Variants in LYPD4 observed in about 807,000 individuals in gnomAD.
The protein encoded by LYPD4 is ly6/PLAUR domain-containing protein 4.
LYPD4 carries 20 observed loss-of-function variants against 18.2 expected under a neutral mutation model. That is an observed-to-expected ratio of 1.10 (90% CI 0.77 to 1.59). The LOEUF (loss-of-function observed/expected upper bound fraction) is 1.59, where lower values mean the gene tolerates loss of function less well. LYPD4 is among the 40% of genes most tolerant of loss of function. LYPD4 has a pLI of 0.00. For synonymous variants in LYPD4, 111 were observed against 118.3 expected (o/e 0.94, Z 0.40); for missense variants, 278 against 300.3 (o/e 0.93, Z 0.55).
At chr19:41,841,857 G>A (rs1338927578) in intron 1 of LYPD4, among the ~76,000 whole-genome samples, 2 of 152,146 alleles carry the variant, frequency 1.3e-5, no homozygotes, top group Non-Finnish European at 2.9e-5. Context: ...GAGGGCTGGG[G>A]AATAAAACAC....
chr19:41,840,486 C>T (rs181340631), intron 1 of LYPD4, among the ~76,000 whole-genome samples: 123 of 152,270 alleles, frequency 8.1e-4, no homozygotes, highest in Admixed American at 2.2e-3. Flanking sequence ...ACTCTATGTA[C>T]CACTTTTGCA....
rs138135884 is a variant in LYPD4 at position 41,838,956 on chromosome 19, T to C, written c.136A>G (p.Lys46Glu). 23 of 1,613,910 alleles carry C rather than the reference T, an allele frequency of 1.4e-5. No homozygotes were observed. The African/African-American group carries it at 2.4e-4, about 17-fold the overall frequency. Reference sequence around the variant, plus strand: ...ACCATGTTCCTCATCAGAAGCCACTTCCAGTTATGGAAAGCAACAGCTCTG... The same window carrying C: ...ACCATGTTCCTCATCAGAAGCCACTCCCAGTTATGGAAAGCAACAGCTCTG... ...RFRAVAFHNWKWLLMRNMVCK... is the reference protein window; with the variant it reads ...RFRAVAFHNWEWLLMRNMVCK... The change falls in exon 3 of 5, where the codon AAG (lysine) becomes GAG (glutamate). Residue 46 changes from lysine to glutamate, a missense_variant. Physicochemically the swap from Lys to Glu is moderately conservative, Grantham distance 56. Transcript: ENST00000609812.
At chr19:41,837,857 C>A in intron 4 of LYPD4, 78 bp downstream of exon 4, 1 of 1,400,840 alleles carries the variant, frequency 7.1e-7, no homozygotes, top group Admixed American at 2.4e-5. Context: ...ATCCCACCAG[C>A]CTCTCTGAGA....
At chr19:41,835,794 C>A (rs1442931466), downstream of LYPD4, 13 of 985,280 alleles carry the variant, frequency 1.3e-5, no homozygotes, top group African/African-American at 1.7e-5. Flanking sequence ...TGCTTCAGAC[C>A]CCACTTGCTC....
intron 2 of LYPD4, 48 bp from the exon 3 acceptor site, chr19:41,839,072 T>C (rs782541969): frequency 4.3e-6 from 7 of 1,610,874 alleles, no homozygotes; most frequent in Non-Finnish European, 5.9e-6. Flanking sequence ...TATCATCTTC[T>C]GAGCCCGTTA....
chr19:41,841,371 A>G (rs1555833362), intron 1 of LYPD4, among the ~76,000 whole-genome samples: 1 of 151,572 alleles, frequency 6.6e-6, no homozygotes, highest in East Asian at 1.9e-4. Context: ...AAGTTTAAAA[A>G]TTAGCCAAGC....
At chr19:41,843,027 A>C (rs2073667661) in intron 1 of LYPD4, among the ~76,000 whole-genome samples, 2 of 115,242 alleles carry the variant, frequency 1.7e-5, no homozygotes, top group African/African-American at 3.4e-5. Context: ...GCAAAACCCC[A>C]TCGCTAAAAA....
rs868915399 is a variant in LYPD4 at position 41,838,939 on chromosome 19, C to T, written c.153G>A (p.Arg51=). The T allele has an allele frequency of 6.2e-7, 1 of 1,613,878 alleles. No individual in the cohort carries two copies. Among genetic ancestry groups the T allele is most frequent in the Non-Finnish European group, 8.5e-7 (1 of 1,180,034 alleles). ...CCTCTTGCAGCTTACACACCATGTT[C>T]CTCATCAGAAGCCACTTCCAGTTAT... ...AFHNWKWLLM[R]NMVCKLQEGC... Residue 51 remains arginine (R), a synonymous_variant, in exon 3 of 5, where the codon AGG becomes AGA. Transcript: ENST00000609812.
At chr19:41,837,488 G>T (rs1463315625) in intron 4 of LYPD4, 143 bp from the exon 5 acceptor site, 2 of 849,606 alleles carry the variant, frequency 2.4e-6, no homozygotes, top group Non-Finnish European at 1.8e-6. Flanking sequence ...AAGGCCAGGA[G>T]TTTGAGACTA....
At chr19:41,842,896 A>C (rs1428763485) in intron 1 of LYPD4, among the ~76,000 whole-genome samples, 1 of 150,788 alleles carries the variant, frequency 6.6e-6, no homozygotes, top group Admixed American at 6.6e-5. Flanking sequence ...TCACTTGCAT[A>C]AATTAAAAAC....
At chr19:41,836,090 T>TCACACACACA (rs55892959), downstream of LYPD4, 5 of 147,336 alleles carry the variant, frequency 3.4e-5, no homozygotes, top group East Asian at 1.0e-3. Flanking sequence ...AAACTCTGTC[T>TCACACACACA]CACACACACA....
intron 1 of LYPD4, among the ~76,000 whole-genome samples, chr19:41,841,738 T>C (rs927530187): frequency 6.7e-6 from 1 of 149,824 alleles, no homozygotes; most frequent in African/African-American, 2.5e-5. Flanking sequence ...ATCTGTCAAA[T>C]TGTACATCTA....
rs60674548 is a variant in LYPD4, at chr19:41,839,680, T to TGTGTG, written c.-120-276_-120-275insCACAC. ...AATAGATGTTTCAAACTCGTGTGTG[T>TGTGTG]TGTGTGTGTGTGTGTGTGTGTGTGT... On this transcript the variant is annotated intron_variant, in intron 1 of 4. Coordinates refer to ENST00000609812, the MANE Select transcript of LYPD4 (RefSeq NM_173506.7). 6.8e-3 allele frequency: 1,454 copies of TGTGTG among 213,554 alleles called. 98 individuals carry two copies. Among genetic ancestry groups the TGTGTG allele is most frequent in the Non-Finnish European group, 9.4e-3 (999 of 106,134 alleles). 13.2% of individuals were successfully genotyped at this position (213,554 alleles called of 1,614,324 possible).
Position 41,838,960 on chromosome 19 carries a change from G to C in LYPD4, c.132C>G (p.Asn44Lys). Residue 44 changes from asparagine to lysine, a missense_variant, in exon 3 of 5, where the codon AAC (asparagine) becomes AAG (lysine). Asn to Lys is a moderately conservative substitution (Grantham distance 94). Coordinates refer to ENST00000609812, the MANE Select transcript of LYPD4 (RefSeq NM_173506.7). ...ASRFRAVAFH[N>K]WKWLLMRNMV... ...TGTTCCTCATCAGAAGCCACTTCCAGTTATGGAAAGCAACAGCTCTGAATC... is the reference window on the plus strand; with the variant it reads ...TGTTCCTCATCAGAAGCCACTTCCACTTATGGAAAGCAACAGCTCTGAATC... The C allele has an allele frequency of 6.2e-7, 1 of 1,613,876 alleles. No homozygotes were observed. Among genetic ancestry groups the C allele is most frequent in the Non-Finnish European group, 8.5e-7 (1 of 1,180,004 alleles).
At chr19:41,837,444 G>A in intron 4 of LYPD4, 99 bp from the exon 5 acceptor site, 1 of 1,306,680 alleles carries the variant, frequency 7.7e-7, no homozygotes. Context: ...CCAGCACTTT[G>A]GGAGGCCGAG....
At chr19:41,838,739 A>G in intron 3 of LYPD4, 142 bp downstream of exon 3, 2 of 437,878 alleles carry the variant, frequency 4.6e-6, no homozygotes, top group Non-Finnish European at 6.5e-6. Context: ...CTCAAAAAAA[A>G]TTAAAAAAAA....
chr19:41,839,349 A>G lies in LYPD4; in HGVS notation c.-64T>C, dbSNP rs1378705545. On this transcript the variant is annotated 5_prime_UTR_variant, in exon 2 of 5. Coordinates refer to ENST00000609812, the MANE Select transcript of LYPD4 (RefSeq NM_173506.7). Reference sequence around the variant, plus strand: ...GGAATCAGTTTCAGTCTGGATCCCAAGCTCAGTTCCCATCAGTCCCCGAAT... The same window carrying G: ...GGAATCAGTTTCAGTCTGGATCCCAGGCTCAGTTCCCATCAGTCCCCGAAT... 1.5e-5 allele frequency: 22 copies of G among 1,487,574 alleles called. No individual in the cohort carries two copies. The Admixed American group carries it at 3.7e-4, about 25-fold the overall frequency. 92.1% of individuals were successfully genotyped at this position (1,487,574 alleles called of 1,614,324 possible).
chr19:41,843,015 T>C lies in LYPD4; in HGVS notation c.-121+563A>G, dbSNP rs556808839. Among the ~76,000 whole-genome samples the C allele has an allele frequency of 1.3e-4, 13 of 100,378 alleles. No individual in the cohort carries two copies. In the Admixed American group the frequency reaches 1.9e-3, roughly 15 times the overall value. The allele number at this position is 100,378 out of a possible 152,430, so 65.9% of individuals were successfully genotyped here. A position where few individuals can be genotyped will look rare whatever the true frequency, so the allele number is the denominator to read the frequency against. ...GAGTTCTGGACCAGCCTGGTTAATA[T>C]GGCAAAACCCCATCGCTAAAAAAAA... On this transcript the variant is annotated intron_variant, in intron 1 of 4. Transcript: ENST00000609812.
At chr19:41,839,952 A>C (rs1270248694) in intron 1 of LYPD4, among the ~76,000 whole-genome samples, 1 of 151,752 alleles carries the variant, frequency 6.6e-6, no homozygotes, top group East Asian at 1.9e-4. Flanking sequence ...AGGAGGCTGA[A>C]GCATGAGAAT....
Sources: gnomAD v4.1 joint callset for allele counts (sites outside exome capture counted in the v4.1 genomes callset) on GRCh38, gnomAD v4.1.1 for gene constraint, MANE v1.5 for transcripts, NCBI Gene and HGNC (gene_info 2026-07-23, HGNC 2026-07-21) for gene names.